The following SV2C variants were observed in gnomAD, a reference collection of about 807,000 sequenced individuals.
SV2C encodes the protein synaptic vesicle glycoprotein 2C.
In SV2C, 49 loss-of-function variants were observed where a neutral mutation model predicts 79.7. That is an observed-to-expected ratio of 0.61 (90% CI 0.49 to 0.78). The LOEUF (loss-of-function observed/expected upper bound fraction) is 0.78, where lower values mean the gene tolerates loss of function less well. Among genes scored for constraint, SV2C ranks in the 30% least tolerant of loss-of-function variants. SV2C has a pLI of 0.00. For missense variants in SV2C, 833 were observed against 912.9 expected, an observed-to-expected ratio of 0.91 and a Z score of 1.13; for synonymous variants, 334 against 333.2, an observed-to-expected ratio of 1.00 and a Z score of -0.03.
intron 1 of SV2C, among the ~76,000 whole-genome samples, chr5:76,105,375 A>G (rs1747877691): frequency 6.6e-6 from 1 of 152,128 alleles, no homozygotes; most frequent in Non-Finnish European, 1.5e-5. Context: ...GGAAATGGAT[A>G]CTGCCTCATC....
At chr5:76,150,626 C>CTTTTTTTT (rs57910684) in intron 2 of SV2C, among the ~76,000 whole-genome samples, 4 of 56,494 alleles carry the variant, frequency 7.1e-5, no homozygotes, top group Non-Finnish European at 1.2e-4. Flanking sequence ...TCATCAAATT[C>CTTTTTTTT]TTTTTTTTTT....
intron 4 of SV2C, among the ~76,000 whole-genome samples, chr5:76,237,587 A>G (rs1015916686): frequency 6.6e-6 from 1 of 152,076 alleles, no homozygotes; most frequent in Non-Finnish European, 1.5e-5. Context: ...ATCTTTGGCA[A>G]TTTCTATAGA....
At chr5:75,873,478 T>C in the SV2C span, among the ~76,000 whole-genome samples, 2 of 152,178 alleles carry the variant, frequency 1.3e-5, no homozygotes, top group Non-Finnish European at 2.9e-5. Context: ...CTAATGTAAG[T>C]AGCATATTCT....
At chr5:76,135,304 T>C (rs938923553) in intron 2 of SV2C, among the ~76,000 whole-genome samples, 4 of 152,230 alleles carry the variant, frequency 2.6e-5, no homozygotes, top group Non-Finnish European at 2.9e-5. Flanking sequence ...GGAGTGCCAA[T>C]GGGCTATTCC....
At chr5:76,162,195 C>T (rs1046267525) in intron 2 of SV2C, among the ~76,000 whole-genome samples, 1 of 152,088 alleles carries the variant, frequency 6.6e-6, no homozygotes, top group African/African-American at 2.4e-5. Flanking sequence ...GGGAGGGGAT[C>T]TTGTCAGATA....
chr5:76,231,496 T>G (rs1745420100), intron 4 of SV2C, among the ~76,000 whole-genome samples: 2 of 151,848 alleles, frequency 1.3e-5, no homozygotes, highest in South Asian at 4.2e-4. Context: ...TGCAGGTTAG[T>G]TACATACGTA....
the SV2C span, among the ~76,000 whole-genome samples, chr5:75,871,487 TA>T: frequency 1.1e-4 from 16 of 152,254 alleles, no homozygotes; most frequent in African/African-American, 3.8e-4. Context: ...AAAAACTATT[TA>T]AAAAACTATG....
intron 4 of SV2C, among the ~76,000 whole-genome samples, chr5:76,254,172 G>A (rs200347312): frequency 3.4e-4 from 40 of 119,262 alleles, no homozygotes; most frequent in Non-Finnish European, 3.4e-4. Flanking sequence ...GTGTGTGTGT[G>A]TATATATATG....
chr5:76,213,588 C>CTTAT (rs899245071), intron 4 of SV2C, among the ~76,000 whole-genome samples: 2 of 152,040 alleles, frequency 1.3e-5, no homozygotes, highest in African/African-American at 4.8e-5. Context: ...AGTTTTTATT[C>CTTAT]TTATTTTTTT....
At chr5:76,110,110 T>C (rs896926212) in intron 1 of SV2C, among the ~76,000 whole-genome samples, 1 of 152,224 alleles carries the variant, frequency 6.6e-6, no homozygotes, top group Non-Finnish European at 1.5e-5. Flanking sequence ...AAATCGTGTT[T>C]TCTAACATGC....
the SV2C span, among the ~76,000 whole-genome samples, chr5:76,036,145 C>T: frequency 0.014 from 2,054 of 150,368 alleles, 26 homozygotes; most frequent in South Asian, 0.015. Flanking sequence ...TGTCTCTGCC[C>T]GTGAGATGGG....
rs1411903393 is a variant in SV2C, at chr5:76,330,830, C to T, written c.*5283C>T. ...AAAGAATCAGGAGCAGAGATAGCCC[C>T]ATCTCTCTAGAGCATTTTTTTTTTT... On this transcript the variant is annotated 3_prime_UTR_variant, in exon 13 of 13. Coordinates refer to ENST00000502798, the MANE Select transcript of SV2C (RefSeq NM_014979.4). 1 of 145,244 alleles carries T rather than the reference C, an allele frequency of 6.9e-6. No homozygotes were observed. Among genetic ancestry groups the T allele is most frequent in the Non-Finnish European group, 1.5e-5 (1 of 66,876 alleles). The allele number at this position is 145,244 out of a possible 1,614,324, so 9.0% of individuals were successfully genotyped here.
the SV2C span, among the ~76,000 whole-genome samples, chr5:75,962,442 A>G: frequency 6.6e-6 from 1 of 152,108 alleles, no homozygotes; most frequent in Non-Finnish European, 1.5e-5. Flanking sequence ...AAGGCAATGT[A>G]TTGACTTAGA....
At chr5:75,973,986 A>G in the SV2C span, among the ~76,000 whole-genome samples, 2 of 152,020 alleles carry the variant, frequency 1.3e-5, no homozygotes, top group African/African-American at 2.4e-5. Context: ...GGGATTGAGA[A>G]CCATGGTCAA....
the SV2C span, among the ~76,000 whole-genome samples, chr5:75,967,152 G>A: frequency 6.6e-6 from 1 of 152,038 alleles, no homozygotes; most frequent in Non-Finnish European, 1.5e-5. Flanking sequence ...TGAGCAACAT[G>A]GTGAGACCCT....
chr5:76,009,887 A>G, the SV2C span, among the ~76,000 whole-genome samples: 2 of 151,930 alleles, frequency 1.3e-5, no homozygotes, highest in Non-Finnish European at 2.9e-5. Context: ...CTGAACATGT[A>G]CCCCCTGAAT....
At chr5:76,335,736 G>A (rs2112581029), downstream of SV2C, among the ~76,000 whole-genome samples, 1 of 152,214 alleles carries the variant, frequency 6.6e-6, no homozygotes, top group East Asian at 1.9e-4. Flanking sequence ...ACAGGGTTGG[G>A]GGTAGGGTCA....
intron 1 of SV2C, 96 bp from the exon 2 acceptor site, chr5:76,131,554 G>A: frequency 2.6e-6 from 1 of 385,186 alleles, no homozygotes; most frequent in Non-Finnish European, 4.6e-6. Context: ...CTGTGTTGTA[G>A]TTTGTGGGAC....
At chr5:76,222,590 A>G (rs1296122048) in intron 4 of SV2C, among the ~76,000 whole-genome samples, 2 of 152,210 alleles carry the variant, frequency 1.3e-5, no homozygotes, top group African/African-American at 4.8e-5. Context: ...AACTATATAC[A>G]CACATTGCAC....
Sources: gnomAD v4.1 joint callset for allele counts (sites outside exome capture counted in the v4.1 genomes callset) on GRCh38, gnomAD v4.1.1 for gene constraint, MANE v1.5 for transcripts, NCBI Gene and HGNC (gene_info 2026-07-23, HGNC 2026-07-21) for gene names.